The following DGKB variants were observed in gnomAD, a reference collection of about 807,000 sequenced individuals.
DGKB encodes diacylglycerol kinase beta, also known as 90 kDa diacylglycerol kinase.
A neutral mutation model predicts 114.3 loss-of-function variants in DGKB; 67 were observed. That is an observed-to-expected ratio of 0.59 (90% CI 0.48 to 0.72). The LOEUF (loss-of-function observed/expected upper bound fraction) is 0.72, where lower values mean the gene tolerates loss of function less well. Ranked by LOEUF, DGKB falls within the 30% of genes least tolerant of loss-of-function variation. DGKB has a pLI of 0.00. For synonymous variants in DGKB, 398 were observed against 323.1 expected (o/e 1.23, Z -2.49); for missense variants, 907 against 975.2 (o/e 0.93, Z 0.93).
intron 20 of DGKB, among the ~76,000 whole-genome samples, chr7:14,499,306 C>G (rs960297233): frequency 6.6e-6 from 1 of 151,548 alleles, no homozygotes; most frequent in African/African-American, 2.4e-5. Context: ...TTGCTTGAGG[C>G]TGAGACTTAA....
At chr7:14,659,137 T>A (rs1178332520) in intron 13 of DGKB, among the ~76,000 whole-genome samples, 2 of 151,932 alleles carry the variant, frequency 1.3e-5, no homozygotes, top group African/African-American at 2.4e-5. Flanking sequence ...GTTCTCATTG[T>A]ATTAACTCTA....
intron 2 of DGKB, among the ~76,000 whole-genome samples, chr7:14,834,029 G>A (rs1014834806): frequency 7.9e-5 from 12 of 152,062 alleles, no homozygotes; most frequent in African/African-American, 2.2e-4. Context: ...TCTAGCTTGT[G>A]TACTCTATTT....
intron 20 of DGKB, among the ~76,000 whole-genome samples, chr7:14,508,754 G>T (rs777912230): frequency 6.6e-6 from 1 of 152,082 alleles, no homozygotes; most frequent in Non-Finnish European, 1.5e-5. Flanking sequence ...TGGTATAGAT[G>T]ACCTATTTAA....
At chr7:14,162,901 T>A (rs1784109689) in intron 25 of DGKB, among the ~76,000 whole-genome samples, 1 of 152,200 alleles carries the variant, frequency 6.6e-6, no homozygotes, top group South Asian at 2.1e-4. Context: ...AGTAGTATGA[T>A]CCATTTCCCC....
intron 2 of DGKB, among the ~76,000 whole-genome samples, chr7:14,798,029 G>A (rs1359916435): frequency 2.0e-5 from 3 of 152,164 alleles, no homozygotes; most frequent in Non-Finnish European, 4.4e-5. Context: ...CTGTGAGGCC[G>A]AGTCCACAGT....
At chr7:14,381,618 G>C (rs1204846335) in intron 21 of DGKB, among the ~76,000 whole-genome samples, 2 of 152,116 alleles carry the variant, frequency 1.3e-5, no homozygotes, top group Non-Finnish European at 2.9e-5. Flanking sequence ...CTCTTGCTTT[G>C]TCTATTTTCT....
chr7:14,421,108 G>A (rs1237640185), intron 21 of DGKB, among the ~76,000 whole-genome samples: 5 of 152,052 alleles, frequency 3.3e-5, no homozygotes, highest in Admixed American at 6.6e-5. Flanking sequence ...ATTACATAGC[G>A]TATAAGCAAT....
intron 21 of DGKB, among the ~76,000 whole-genome samples, chr7:14,453,009 G>C (rs1398971455): frequency 6.6e-6 from 1 of 152,124 alleles, no homozygotes; most frequent in Non-Finnish European, 1.5e-5. Flanking sequence ...TTGTAACGTG[G>C]TCCATGACTG....
At chr7:14,515,106 T>A (rs1333469588) in intron 20 of DGKB, among the ~76,000 whole-genome samples, 1 of 152,150 alleles carries the variant, frequency 6.6e-6, no homozygotes, top group Non-Finnish European at 1.5e-5. Flanking sequence ...GCTGAGACGT[T>A]CTCTGAATAA....
At chr7:14,304,921 G>A (rs1248777895) in intron 23 of DGKB, among the ~76,000 whole-genome samples, 2 of 152,068 alleles carry the variant, frequency 1.3e-5, no homozygotes, top group African/African-American at 4.8e-5. Flanking sequence ...GATTATTACT[G>A]TATTATCTAT....
At chr7:14,805,165 T>G (rs1562581732) in intron 2 of DGKB, among the ~76,000 whole-genome samples, 1 of 152,226 alleles carries the variant, frequency 6.6e-6, no homozygotes, top group East Asian at 1.9e-4. Context: ...AAATTTATGT[T>G]AGTGAATTGC....
chr7:14,785,445 A>G lies in DGKB; in HGVS notation c.71-27714T>C, dbSNP rs1039716904. On this transcript the variant is annotated intron_variant, in intron 2 of 25. Transcript: ENST00000402815. ...CAAAATCATATGTATACATGTATGT[A>G]TATACATGTATATGTATATAATTTT... Among the ~76,000 whole-genome samples, 5 of 152,258 alleles carry G rather than the reference A, an allele frequency of 3.3e-5. No homozygotes were observed. The East Asian group carries it at 9.7e-4, about 29-fold the overall frequency.
chr7:14,552,893 GT>G (rs1319600705), intron 20 of DGKB, among the ~76,000 whole-genome samples: 2 of 152,200 alleles, frequency 1.3e-5, no homozygotes, highest in African/African-American at 2.4e-5. Flanking sequence ...GGTCAGCGTT[GT>G]TATGGACCGG....
At chr7:14,898,057 CA>C (rs1182501583) in intron 1 of DGKB, among the ~76,000 whole-genome samples, 2 of 151,810 alleles carry the variant, frequency 1.3e-5, no homozygotes, top group African/African-American at 4.8e-5. Flanking sequence ...ATAATAAAGG[CA>C]AGCACAAGTT....
chr7:14,473,674 A>G (rs1781752395), intron 21 of DGKB, among the ~76,000 whole-genome samples: 1 of 152,096 alleles, frequency 6.6e-6, no homozygotes, highest in African/African-American at 2.4e-5. Flanking sequence ...AGGATGGGGG[A>G]CTATACCCTG....
intron 13 of DGKB, among the ~76,000 whole-genome samples, chr7:14,666,975 A>G (rs1472133923): frequency 6.6e-6 from 1 of 152,008 alleles, no homozygotes; most frequent in East Asian, 1.9e-4. Context: ...TGAAAACACC[A>G]TATGATAATA....
chr7:14,861,790 G>T (rs1851016462), intron 1 of DGKB, among the ~76,000 whole-genome samples: 1 of 151,952 alleles, frequency 6.6e-6, no homozygotes, highest in Admixed American at 6.6e-5. Flanking sequence ...TTGAGGCATA[G>T]AACTGAATTC....
chr7:14,286,071 T>C lies in DGKB; in HGVS notation c.2122+52444A>G, dbSNP rs138648165. Among the ~76,000 whole-genome samples, 1,139 of 152,182 alleles carry C rather than the reference T, an allele frequency of 7.5e-3. 4 individuals are homozygous for C. Among genetic ancestry groups the C allele is most frequent in the Non-Finnish European group, 0.012 (797 of 67,974 alleles). ...TCTCCTTGCCTATTGACTCACAAAG[T>C]TTGCAATGTCAGAAATCATTATTTA... On this transcript the variant is annotated intron_variant, in intron 23 of 25. Coordinates refer to ENST00000402815, the MANE Select transcript of DGKB (RefSeq NM_001350709.2).
chr7:14,725,673 A>G (rs370308710), intron 5 of DGKB, among the ~76,000 whole-genome samples: 1 of 151,946 alleles, frequency 6.6e-6, no homozygotes, highest in Non-Finnish European at 1.5e-5. Flanking sequence ...TCAGCCTCCA[A>G]GAAGCTGGAA....
Sources: gnomAD v4.1 joint callset for allele counts (sites outside exome capture counted in the v4.1 genomes callset) on GRCh38, gnomAD v4.1.1 for gene constraint, MANE v1.5 for transcripts, NCBI Gene and HGNC (gene_info 2026-07-23, HGNC 2026-07-21) for gene names.